Variants in GAS7 observed in about 807,000 individuals in gnomAD.
GAS7 encodes growth arrest specific 7, also known as growth arrest-specific protein 7.
GAS7 carries 28 observed loss-of-function variants against 71.1 expected under a neutral mutation model. That is an observed-to-expected ratio of 0.39 (90% CI 0.29 to 0.54). GAS7 has a LOEUF of 0.54. Among genes scored for constraint, GAS7 ranks in the 20% least tolerant of loss-of-function variants. The pLI, the probability that GAS7 is intolerant of heterozygous loss-of-function variation, is 0.62. For synonymous variants in GAS7, 258 were observed against 245.8 expected, an observed-to-expected ratio of 1.05 and a Z score of -0.46; for missense variants, 436 against 627.8, an observed-to-expected ratio of 0.69 and a Z score of 3.27.
intron 1 of GAS7, among the ~76,000 whole-genome samples, chr17:10,072,236 A>G (rs1037990334): frequency 5.3e-5 from 8 of 152,036 alleles, no homozygotes; most frequent in African/African-American, 1.9e-4. Flanking sequence ...CAGCGCTATT[A>G]CCTGCCGGGC....
rs541821962 is a variant in GAS7, at chr17:10,007,694, A to G, written c.304+12083T>C. 5.9e-5 allele frequency among the ~76,000 whole-genome samples: 9 copies of G among 151,482 alleles called. No homozygotes were observed. In the East Asian group the frequency reaches 1.4e-3, roughly 23 times the overall value. On this transcript the variant is annotated intron_variant, in intron 2 of 13. Coordinates refer to ENST00000432992, the MANE Select transcript of GAS7 (RefSeq NM_201433.2). ...GCCAAGAAAGTCATAAACGCCCACC[A>G]TGCCCACACAAGCCTGTTTTTAATG...
chr17:10,099,249 C>A (rs911223424), intron 1 of GAS7, among the ~76,000 whole-genome samples: 1 of 152,080 alleles, frequency 6.6e-6, no homozygotes, highest in Non-Finnish European at 1.5e-5. Flanking sequence ...CCAAACAGCG[C>A]CTGTTCCACC....
chr17:10,165,816 C>G (rs564342463), intron 1 of GAS7, among the ~76,000 whole-genome samples: 1 of 152,038 alleles, frequency 6.6e-6, no homozygotes, highest in Non-Finnish European at 1.5e-5. Context: ...GATCTGGAAA[C>G]GGGACACTTG....
In GAS7 at chr17:9,959,617, T is replaced by C; in HGVS notation, c.472-362A>G. 1 of 402,092 alleles carries C rather than the reference T, an allele frequency of 2.5e-6. No individual in the cohort carries two copies. Among genetic ancestry groups the C allele is most frequent in the Non-Finnish European group, 4.3e-6 (1 of 231,894 alleles). The allele number at this position is 402,092 out of a possible 1,614,324, so 24.9% of individuals were successfully genotyped here. ...TGCTGCCTGAAGCCGCGGAATCCACTGGGGAGAAGAGAGTTAAGGCCACCA... is the reference window on the plus strand; with the variant it reads ...TGCTGCCTGAAGCCGCGGAATCCACCGGGGAGAAGAGAGTTAAGGCCACCA... On this transcript the variant is annotated intron_variant, in intron 4 of 13. Coordinates refer to ENST00000432992, the MANE Select transcript of GAS7 (RefSeq NM_201433.2). The surrounding 1 kb of genome is among the most constrained non-coding windows in gnomAD (Gnocchi z 5.0).
At chr17:9,949,626 G>A (rs2068925651) in intron 5 of GAS7, among the ~76,000 whole-genome samples, 1 of 152,168 alleles carries the variant, frequency 6.6e-6, no homozygotes, top group Non-Finnish European at 1.5e-5. Flanking sequence ...GTTAAGGTGA[G>A]GGCTGAGGTC....
chr17:9,930,304 G>A (rs1264536137), intron 9 of GAS7, among the ~76,000 whole-genome samples: 1 of 152,234 alleles, frequency 6.6e-6, no homozygotes. Context: ...GTCACTGTCA[G>A]ATAAGTGTAA....
intron 1 of GAS7, among the ~76,000 whole-genome samples, chr17:10,111,579 G>T (rs2073814436): frequency 6.6e-6 from 1 of 151,926 alleles, no homozygotes; most frequent in Non-Finnish European, 1.5e-5. Context: ...ATATACTTGG[G>T]AGGCTGAGGC....
At position 10,165,506 on chromosome 17, in the gene GAS7, C is replaced by T. The variant is rs150071187; in HGVS notation, c.183+32702G>A. Among the ~76,000 whole-genome samples, 67 of 152,270 alleles carry T rather than the reference C, an allele frequency of 4.4e-4. No individual in the cohort carries two copies. The East Asian group carries it at 9.3e-3, about 21-fold the overall frequency. On this transcript the variant is annotated intron_variant, in intron 1 of 13. Coordinates refer to ENST00000432992, the MANE Select transcript of GAS7 (RefSeq NM_201433.2). Reference sequence around the variant, plus strand: ...ACCTCCTCTTCTTTACTTAGCAATGCCTTTTATGCATCAATTTCTACAGAT... The same window carrying T: ...ACCTCCTCTTCTTTACTTAGCAATGTCTTTTATGCATCAATTTCTACAGAT...
Position 9,961,923 on chromosome 17 carries a change from A to G in GAS7, c.472-2668T>C, listed in dbSNP as rs149046135. The stretch of plus-strand genomic sequence containing the variant: ...TTGTTTTCCATGTGTCTTTGCAGGA[A>G]GGCAAAAAAGATTTCCATCAACCAC... On this transcript the variant is annotated intron_variant, in intron 4 of 13. Coordinates refer to ENST00000432992, the MANE Select transcript of GAS7 (RefSeq NM_201433.2). Among the ~76,000 whole-genome samples, 1,483 of 152,320 alleles carry G rather than the reference A, an allele frequency of 9.7e-3. 14 individuals are homozygous for G. Among genetic ancestry groups the G allele is most frequent in the Middle Eastern group, 0.014 (4 of 294 alleles).
Position 9,913,969 on chromosome 17 carries a change from C to T in GAS7, c.*3259G>A, listed in dbSNP as rs1214667911. 4.3e-6 allele frequency: 1 copy of T among 232,082 alleles called. No homozygotes were observed. The highest frequency in any genetic ancestry group is 2.2e-5 in the African/African-American group (1 of 45,260). 14.4% of individuals were successfully genotyped at this position (232,082 alleles called of 1,614,324 possible). A position where few individuals can be genotyped will look rare whatever the true frequency, so the allele number is the denominator to read the frequency against. On this transcript the variant is annotated 3_prime_UTR_variant, in exon 14 of 14. Coordinates refer to ENST00000432992, the MANE Select transcript of GAS7 (RefSeq NM_201433.2). ...CTCAAGAATAGCCCAGACCCGCCCA[C>T]TTTGAATAAACCCAGCTAAGTCCTC...
At chr17:10,078,726 AG>A (rs2073423752) in intron 1 of GAS7, among the ~76,000 whole-genome samples, 1 of 152,138 alleles carries the variant, frequency 6.6e-6, no homozygotes, top group Admixed American at 6.6e-5. Context: ...ATTGGTAGGT[AG>A]GGGGATATAC....
intron 1 of GAS7, among the ~76,000 whole-genome samples, chr17:10,133,489 T>C (rs1324145537): frequency 2.0e-5 from 3 of 152,188 alleles, no homozygotes; most frequent in African/African-American, 7.2e-5. Context: ...ATTTATGGTG[T>C]ACATACACTG....
At position 9,959,425 on chromosome 17, in the gene GAS7, G is replaced by A; in HGVS notation, c.472-170C>T. On this transcript the variant is annotated intron_variant, in intron 4 of 13. Coordinates refer to ENST00000432992, the MANE Select transcript of GAS7 (RefSeq NM_201433.2). This position sits in a 1 kb window ranked among gnomAD's most constrained non-coding sequence, Gnocchi z 5.0. The stretch of plus-strand genomic sequence containing the variant: ...CAAGCAGGGGTCTCCCTGACCCCAC[G>A]CTGTTCCCACGCCCAGCTCTCGGGC... 2.8e-6 allele frequency: 4 copies of A among 1,453,494 alleles called. No homozygotes were observed. In the South Asian group the frequency reaches 4.3e-5, roughly 16 times the overall value. 90.0% of individuals were successfully genotyped at this position (1,453,494 alleles called of 1,614,324 possible).
intron 8 of GAS7, among the ~76,000 whole-genome samples, chr17:9,937,390 T>C (rs3786113): frequency 0.49 from 73,976 of 152,088 alleles, 19,687 homozygotes; most frequent in African/African-American, 0.71. Flanking sequence ...GACTCCGGAG[T>C]GGCACAGTGG....
At chr17:9,965,329 T>C (rs1325435598) in intron 4 of GAS7, among the ~76,000 whole-genome samples, 1 of 152,204 alleles carries the variant, frequency 6.6e-6, no homozygotes, top group Non-Finnish European at 1.5e-5. Context: ...TGGAATAGTA[T>C]GCAGCCATAA....
intron 13 of GAS7, 146 bp from the exon 14 acceptor site, chr17:9,917,487 G>A: frequency 1.6e-6 from 1 of 637,692 alleles, no homozygotes; most frequent in Admixed American, 2.5e-5. Flanking sequence ...GCCCATCTGA[G>A]GGACAGCACA....
At chr17:10,145,119 G>A (rs1224008727) in intron 1 of GAS7, among the ~76,000 whole-genome samples, 2 of 152,250 alleles carry the variant, frequency 1.3e-5, no homozygotes, top group Non-Finnish European at 2.9e-5. Flanking sequence ...GAAATCCACA[G>A]CCCCACACTG....
At chr17:10,143,096 C>A (rs887731813) in intron 1 of GAS7, among the ~76,000 whole-genome samples, 35 of 151,860 alleles carry the variant, frequency 2.3e-4, no homozygotes, top group African/African-American at 7.0e-4. Flanking sequence ...GCGGGAGAAT[C>A]GCTTGAACCC....
At chr17:10,147,651 T>C (rs996399476) in intron 1 of GAS7, among the ~76,000 whole-genome samples, 1 of 152,148 alleles carries the variant, frequency 6.6e-6, no homozygotes, top group Non-Finnish European at 1.5e-5. Flanking sequence ...AATACACTTG[T>C]AAAAATATAC....
Sources: allele counts gnomAD v4.1 joint callset (sites outside exome capture counted in the v4.1 genomes callset), GRCh38; gene constraint gnomAD v4.1.1; non-coding constraint Gnocchi (gnomAD v3.1); transcripts MANE v1.5; gene names NCBI Gene and HGNC (gene_info 2026-07-23, HGNC 2026-07-21).